The following TUSC3 variants were observed in gnomAD, a reference collection of about 807,000 sequenced individuals.
TUSC3 encodes the protein tumor suppressor candidate 3.
TUSC3 carries 45 observed loss-of-function variants against 44.8 expected under a neutral mutation model. The observed-to-expected ratio is 1.00, with a 90% CI of 0.79 to 1.29. The LOEUF is 1.29. Among genes scored for constraint, TUSC3 ranks in the 50% most tolerant of loss-of-function variants. The pLI is 0.00. For missense variants in TUSC3, 519 were observed against 437.9 expected, an observed-to-expected ratio of 1.19 and a Z score of -1.65; for synonymous variants, 212 against 152.9, an observed-to-expected ratio of 1.39 and a Z score of -2.85.
chr8:15,420,802 CA>C (rs1258521685), intron 1 of TUSC3, among the ~76,000 whole-genome samples: 8 of 152,056 alleles, frequency 5.3e-5, no homozygotes. Context: ...GGCCTCACCC[CA>C]CGCTCCTTTG....
chr8:15,740,083 A>T (rs1276527540), intron 7 of TUSC3, among the ~76,000 whole-genome samples: 1 of 152,172 alleles, frequency 6.6e-6, no homozygotes, highest in Admixed American at 6.5e-5. Context: ...TTTCAAAAAC[A>T]ATTTTATAAT....
intron 2 of TUSC3, among the ~76,000 whole-genome samples, chr8:15,634,079 C>G (rs941509900): frequency 6.6e-6 from 1 of 152,190 alleles, no homozygotes; most frequent in African/African-American, 2.4e-5. Flanking sequence ...CTCTTACAAC[C>G]CATTCCTGGT....
chr8:15,661,434 G>A lies in TUSC3; in HGVS notation c.568-722G>A, dbSNP rs530064464. 1.5e-4 allele frequency among the ~76,000 whole-genome samples: 23 copies of A among 152,066 alleles called. No homozygotes were observed. The South Asian group carries it at 3.3e-3, about 22-fold the overall frequency. On this transcript the variant is annotated intron_variant, in intron 4 of 10. Transcript: ENST00000503731. ...TCCTTTGCTACTTTTTAAATAGAGT[G>A]ATCCTCATTTGATCTGCCTCATCTT...
At chr8:15,468,105 G>A (rs930091423) in intron 1 of TUSC3, among the ~76,000 whole-genome samples, 4 of 152,144 alleles carry the variant, frequency 2.6e-5, no homozygotes, top group African/African-American at 9.7e-5. Flanking sequence ...TCTGCTAAAT[G>A]TATTCTTGAT....
At chr8:15,419,260 A>C (rs1799695003) in intron 1 of TUSC3, among the ~76,000 whole-genome samples, 1 of 152,234 alleles carries the variant, frequency 6.6e-6, no homozygotes, top group Non-Finnish European at 1.5e-5. Flanking sequence ...ACCAATTGTC[A>C]AGTGTCACAG....
At chr8:15,739,353 A>G (rs926787407) in intron 7 of TUSC3, among the ~76,000 whole-genome samples, 1 of 152,138 alleles carries the variant, frequency 6.6e-6, no homozygotes, top group East Asian at 1.9e-4. Flanking sequence ...TCATGAGCAT[A>G]CTTCTGGCAC....
chr8:15,779,987 A>T, the TUSC3 span, among the ~76,000 whole-genome samples: 1 of 152,192 alleles, frequency 6.6e-6, no homozygotes, highest in African/African-American at 2.4e-5. Context: ...AGATTCTGGA[A>T]AGTGAAACAT....
chr8:15,465,310 G>T (rs1198148191), intron 1 of TUSC3, among the ~76,000 whole-genome samples: 1 of 152,158 alleles, frequency 6.6e-6, no homozygotes, highest in Non-Finnish European at 1.5e-5. Flanking sequence ...TAACTGCCAT[G>T]TGGAAAACAG....
the TUSC3 span, among the ~76,000 whole-genome samples, chr8:15,824,029 T>C: frequency 6.6e-6 from 1 of 152,204 alleles, no homozygotes; most frequent in Non-Finnish European, 1.5e-5. Context: ...CAAAAAATTT[T>C]TTAAATTTTT....
At chr8:15,505,753 T>A (rs1801043278) in intron 2 of TUSC3, among the ~76,000 whole-genome samples, 1 of 152,108 alleles carries the variant, frequency 6.6e-6, no homozygotes, top group Non-Finnish European at 1.5e-5. Flanking sequence ...TAAAATGTAT[T>A]TTTTTTCTGT....
chr8:15,689,118 G>T (rs531197957), intron 6 of TUSC3: 1 of 380,374 alleles, frequency 2.6e-6, no homozygotes, highest in Non-Finnish European at 5.2e-6. Context: ...GTCTTGTCTT[G>T]CACGCCATTC....
chr8:15,602,802 C>T (rs1306435321), intron 1 of TUSC3, among the ~76,000 whole-genome samples: 3 of 150,938 alleles, frequency 2.0e-5, no homozygotes, highest in Admixed American at 6.6e-5. Context: ...TTTTTATTAT[C>T]ACATGTTATT....
chr8:15,571,984 A>G (rs1339871643), intron 1 of TUSC3, among the ~76,000 whole-genome samples: 1 of 152,184 alleles, frequency 6.6e-6, no homozygotes, highest in Non-Finnish European at 1.5e-5. Flanking sequence ...GCACAGGCAC[A>G]ATAGATTTAG....
chr8:15,755,924 A>C (rs1393984589), intron 9 of TUSC3, among the ~76,000 whole-genome samples: 1 of 151,918 alleles, frequency 6.6e-6, no homozygotes, highest in Non-Finnish European at 1.5e-5. Flanking sequence ...TTTCACTGGC[A>C]CTCTGTGCTC....
At chr8:15,633,728 A>T (rs1805929295) in intron 2 of TUSC3, among the ~76,000 whole-genome samples, 1 of 152,198 alleles carries the variant, frequency 6.6e-6, no homozygotes, top group Non-Finnish European at 1.5e-5. Flanking sequence ...AGAAGCTAGG[A>T]AGAGGCAAGG....
intron 8 of TUSC3, among the ~76,000 whole-genome samples, chr8:15,747,778 T>G (rs1173286420): frequency 6.6e-6 from 1 of 152,098 alleles, no homozygotes; most frequent in African/African-American, 2.4e-5. Flanking sequence ...AACAATATTT[T>G]GACACTACTA....
chr8:15,777,589 C>T, the TUSC3 span, among the ~76,000 whole-genome samples: 1 of 152,074 alleles, frequency 6.6e-6, no homozygotes, highest in Admixed American at 6.6e-5. Context: ...ATAGTACTTC[C>T]TTTTTATTTA....
chr8:15,682,620 G>A (rs1808471534), intron 6 of TUSC3, among the ~76,000 whole-genome samples: 1 of 152,098 alleles, frequency 6.6e-6, no homozygotes, highest in African/African-American at 2.4e-5. Flanking sequence ...TGTCTATTAA[G>A]TGGAGCATTT....
In TUSC3 at chr8:15,613,908, G is replaced by C. The variant is rs547536722; in HGVS notation, c.139-9172G>C. 2.0e-5 allele frequency among the ~76,000 whole-genome samples: 3 copies of C among 152,082 alleles called. No individual in the cohort carries two copies. In the South Asian group the frequency reaches 6.2e-4, roughly 32 times the overall value. On this transcript the variant is annotated intron_variant, in intron 1 of 10. Coordinates refer to ENST00000503731, the MANE Select transcript of TUSC3 (RefSeq NM_006765.4). ...CCAAAAGGGACACCCAAACAGAGAA[G>C]TTTGAATTAGGCCTTTGAGATCTAA...
Sources: gnomAD v4.1 joint callset for allele counts (sites outside exome capture counted in the v4.1 genomes callset) on GRCh38, gnomAD v4.1.1 for gene constraint, MANE v1.5 for transcripts, NCBI Gene and HGNC (gene_info 2026-07-23, HGNC 2026-07-21) for gene names.